The following BTRC variants were observed in gnomAD, a reference collection of about 807,000 sequenced individuals.
BTRC encodes the protein F-box/WD repeat-containing protein 1A.
BTRC carries 42 observed loss-of-function variants against 85.5 expected under a neutral mutation model. The observed-to-expected ratio is 0.49, with a 90% confidence interval of 0.38 to 0.64. The LOEUF is 0.64. Among genes scored for constraint, BTRC ranks in the 30% least tolerant of loss-of-function variants. The pLI is 0.00. For synonymous variants in BTRC, 255 were observed against 263.3 expected, an observed-to-expected ratio of 0.97 and a Z score of 0.30; for missense variants, 594 against 743.5, an observed-to-expected ratio of 0.80 and a Z score of 2.34.
intron 1 of BTRC, among the ~76,000 whole-genome samples, chr10:101,360,370 CTTTTTTTTTTTTT>C (rs35794052): frequency 3.3e-5 from 3 of 89,932 alleles, no homozygotes; most frequent in East Asian, 6.4e-4. Flanking sequence ...ATGGGATCTG[CTTTTTTTTTTTTT>C]TTTTTTTTGA....
At chr10:101,533,946 C>T (rs2062340794) in intron 9 of BTRC, among the ~76,000 whole-genome samples, 1 of 151,994 alleles carries the variant, frequency 6.6e-6, no homozygotes, top group South Asian at 2.1e-4. Flanking sequence ...GTGCTAACAT[C>T]ATTTATAAGA....
At chr10:101,494,734 C>G (rs1323447907) in intron 4 of BTRC, among the ~76,000 whole-genome samples, 2 of 152,160 alleles carry the variant, frequency 1.3e-5, no homozygotes, top group African/African-American at 4.8e-5. Flanking sequence ...AATGAAGCCC[C>G]TTGTATTTCT....
At chr10:101,415,285 C>A (rs926085734) in intron 1 of BTRC, among the ~76,000 whole-genome samples, 10 of 151,718 alleles carry the variant, frequency 6.6e-5, no homozygotes, top group Admixed American at 6.6e-4. Context: ...AAATGATCCT[C>A]CTGCTGCAGT....
intron 1 of BTRC, among the ~76,000 whole-genome samples, chr10:101,426,804 T>C (rs1410069566): frequency 6.6e-6 from 1 of 152,218 alleles, no homozygotes; most frequent in Non-Finnish European, 1.5e-5. Flanking sequence ...GGTTGGTTTC[T>C]AGACCCAGCT....
At chr10:101,513,955 A>T (rs1158884244) in intron 4 of BTRC, among the ~76,000 whole-genome samples, 1 of 152,206 alleles carries the variant, frequency 6.6e-6, no homozygotes, top group Non-Finnish European at 1.5e-5. Context: ...TCAGTCTTTT[A>T]AATTTTAGCC....
intron 1 of BTRC, among the ~76,000 whole-genome samples, chr10:101,357,683 T>C (rs1294259587): frequency 2.0e-5 from 3 of 152,148 alleles, no homozygotes; most frequent in Non-Finnish European, 4.4e-5. Context: ...ATGGATACTC[T>C]CACAAATTTG....
intron 1 of BTRC, among the ~76,000 whole-genome samples, chr10:101,394,951 A>C (rs748908406): frequency 6.6e-6 from 1 of 152,222 alleles, no homozygotes; most frequent in East Asian, 1.9e-4. Context: ...TAGGACATGC[A>C]TGCACAGATA....
At chr10:101,436,302 T>G (rs1944527189) in intron 2 of BTRC, among the ~76,000 whole-genome samples, 1 of 152,148 alleles carries the variant, frequency 6.6e-6, no homozygotes, top group Non-Finnish European at 1.5e-5. Context: ...GATTCTTTAT[T>G]TTGCTTTAGA....
chr10:101,366,162 C>A (rs552166096), intron 1 of BTRC, among the ~76,000 whole-genome samples: 69 of 151,928 alleles, frequency 4.5e-4, no homozygotes, highest in Non-Finnish European at 7.8e-4. Flanking sequence ...TGCTGGAGTA[C>A]CACATTTTCT....
At chr10:101,447,806 TATTAA>T (rs1210370833) in intron 2 of BTRC, among the ~76,000 whole-genome samples, 1 of 152,184 alleles carries the variant, frequency 6.6e-6, no homozygotes, top group Admixed American at 6.5e-5. Context: ...CTACAACGAT[TATTAA>T]ATTAAAAGGC....
chr10:101,504,072 G>C (rs1946456922), intron 4 of BTRC, among the ~76,000 whole-genome samples: 1 of 152,082 alleles, frequency 6.6e-6, no homozygotes, highest in Non-Finnish European at 1.5e-5. Context: ...GGGTGTTGGG[G>C]GTAAGTTGGG....
intron 1 of BTRC, among the ~76,000 whole-genome samples, chr10:101,373,631 G>T (rs1942702367): frequency 1.3e-5 from 2 of 151,914 alleles, no homozygotes; most frequent in African/African-American, 4.8e-5. Flanking sequence ...AATAAAGATG[G>T]GCAGGGCCGG....
intron 1 of BTRC, among the ~76,000 whole-genome samples, chr10:101,427,113 C>CTTTTTTTTTTTTTTTTTT (rs138285266): frequency 1.8e-5 from 2 of 109,366 alleles, no homozygotes; most frequent in African/African-American, 3.5e-5. Context: ...TTTTTTCTTT[C>CTTTTTTTTTTTTTTTTTT]TTTTTTTTTT....
In BTRC at chr10:101,522,356, AAAAAAAAAAACAAAAAAAAAC is replaced by A. The variant is rs1289030106; in HGVS notation, c.556+497_556+517del. Among the ~76,000 whole-genome samples, 7 of 90,696 alleles carry A rather than the reference AAAAAAAAAAACAAAAAAAAAC, an allele frequency of 7.7e-5. 1 individual carries two copies. The highest frequency in any genetic ancestry group is 1.6e-4 in the Non-Finnish European group (7 of 43,314). The allele number at this position is 90,696 out of a possible 152,430, so 59.5% of individuals were successfully genotyped here. Reference sequence around the variant, plus strand: ...CGCCCAGCTGGTATAAAGCTTTAAAAAAAAAAAAAACAAAAAAAAACAAAAAAAAAAAAACTCTAGAAATAA... The same window carrying A: ...CGCCCAGCTGGTATAAAGCTTTAAAAAAAAAAAAAAAAACTCTAGAAATAA... On this transcript the variant is annotated intron_variant, in intron 5 of 14. Coordinates refer to ENST00000370187, the MANE Select transcript of BTRC (RefSeq NM_033637.4).
intron 1 of BTRC, among the ~76,000 whole-genome samples, chr10:101,415,080 G>A (rs1589438779): frequency 1.3e-5 from 2 of 152,050 alleles, no homozygotes; most frequent in Non-Finnish European, 2.9e-5. Context: ...AGACCTTCAC[G>A]TTTATTGACC....
At chr10:101,491,509 A>G (rs1946132861) in intron 4 of BTRC, among the ~76,000 whole-genome samples, 2 of 152,150 alleles carry the variant, frequency 1.3e-5, no homozygotes, top group South Asian at 4.1e-4. Context: ...AGCCTGGCCA[A>G]TGTGCTGAAA....
At chr10:101,443,847 A>G (rs918881684) in intron 2 of BTRC, among the ~76,000 whole-genome samples, 3 of 152,228 alleles carry the variant, frequency 2.0e-5, no homozygotes, top group African/African-American at 7.2e-5. Flanking sequence ...GCCATTCACA[A>G]CTAGCCACAA....
intron 1 of BTRC, among the ~76,000 whole-genome samples, chr10:101,422,944 C>T (rs1408077254): frequency 3.3e-5 from 5 of 152,116 alleles, no homozygotes; most frequent in Admixed American, 6.6e-5. Flanking sequence ...ATTGACTTGG[C>T]AATGCGGGCT....
chr10:101,378,556 ACT>A (rs1942849323), intron 1 of BTRC, among the ~76,000 whole-genome samples: 1 of 129,850 alleles, frequency 7.7e-6, no homozygotes, highest in Non-Finnish European at 1.6e-5. Context: ...ACGAAGTCTC[ACT>A]CTGTCACCCA....
Sources: gnomAD v4.1 joint callset for allele counts (sites outside exome capture counted in the v4.1 genomes callset) on GRCh38, gnomAD v4.1.1 for gene constraint, MANE v1.5 for transcripts, NCBI Gene and HGNC (gene_info 2026-07-23, HGNC 2026-07-21) for gene names.